The following TBX2 variants were observed in gnomAD, a reference collection of about 807,000 sequenced individuals.
TBX2 encodes the protein T-box transcription factor 2.
TBX2 carries 19 observed loss-of-function variants against 48.4 expected under a neutral mutation model. The observed-to-expected ratio is 0.39, with a 90% CI of 0.27 to 0.58. The LOEUF (loss-of-function observed/expected upper bound fraction) is 0.58, where lower values mean the gene tolerates loss of function less well. Ranked by LOEUF, TBX2 falls within the 20% of genes least tolerant of loss-of-function variation. TBX2 has a pLI of 0.54. For missense variants in TBX2, 994 were observed against 1,006.5 expected, an observed-to-expected ratio of 0.99 and a Z score of 0.17; for synonymous variants, 522 against 459.7, an observed-to-expected ratio of 1.14 and a Z score of -1.73.
Position 61,408,630 on chromosome 17 carries a change from C to A in TBX2, c.*124C>A. The A allele has an allele frequency of 2.1e-6, 2 of 948,130 alleles. No homozygotes were observed. The highest frequency in any genetic ancestry group is 2.9e-5 in the South Asian group (1 of 34,818). 58.7% of individuals were successfully genotyped at this position (948,130 alleles called of 1,614,324 possible). A position where few individuals can be genotyped will look rare whatever the true frequency, so the allele number is the denominator to read the frequency against. On this transcript the variant is annotated 3_prime_UTR_variant, in exon 7 of 7. Coordinates refer to ENST00000240328, the MANE Select transcript of TBX2 (RefSeq NM_005994.4). ...AAGGAGAAAAGTGGGCTGCAGCAGCCGGAATAGAGCCTCGTCTGGCAAGTC... is the reference window on the plus strand; with the variant it reads ...AAGGAGAAAAGTGGGCTGCAGCAGCAGGAATAGAGCCTCGTCTGGCAAGTC...
rs778481852 is a variant in TBX2, at chr17:61,400,329, G to T, written c.153G>T (p.Pro51=). The change falls in exon 1 of 7, where the codon CCG becomes CCT. Residue 51 remains proline (P), a synonymous_variant. Transcript: ENST00000240328. This position sits in a 1 kb window ranked among gnomAD's most constrained non-coding sequence, Gnocchi z 9.2. The stretch of plus-strand genomic sequence containing the variant: ...TGCCGCCCGGCGCGCTGGCCAAGCC[G>T]CTGCCCGACCCGGGCCTGGCGGGGG... The part of the protein sequence containing the change: ...LALPPGALAK[P]LPDPGLAGAA... 4 of 1,019,328 alleles carry T rather than the reference G, an allele frequency of 3.9e-6. No homozygotes were observed. In the East Asian group the frequency reaches 3.1e-4, roughly 80 times the overall value. The allele number at this position is 1,019,328 out of a possible 1,614,324, so 63.1% of individuals were successfully genotyped here. A position where few individuals can be genotyped will look rare whatever the true frequency, so the allele number is the denominator to read the frequency against.
rs965391707 is a variant in TBX2, at chr17:61,399,857, T to A, written c.-320T>A. ...GGGCCTGGCTCGTTAGCGCAGGGGATCCGAGCTGGGCAGGACATGTGAGAT... is the reference window on the plus strand; with the variant it reads ...GGGCCTGGCTCGTTAGCGCAGGGGAACCGAGCTGGGCAGGACATGTGAGAT... On this transcript the variant is annotated 5_prime_UTR_variant, in exon 1 of 7. Transcript: ENST00000240328. The surrounding 1 kb of genome is among the most constrained non-coding windows in gnomAD (Gnocchi z 4.7). 3 of 151,732 alleles carry A rather than the reference T, an allele frequency of 2.0e-5. No individual in the cohort carries two copies. Among genetic ancestry groups the A allele is most frequent in the African/African-American group, 7.3e-5 (3 of 41,254 alleles). The allele number at this position is 151,732 out of a possible 1,614,324, so 9.4% of individuals were successfully genotyped here. A position where few individuals can be genotyped will look rare whatever the true frequency, so the allele number is the denominator to read the frequency against.
At position 61,401,661 on chromosome 17, in the gene TBX2, C is replaced by T. The variant is rs1241844802; in HGVS notation, c.396-23C>T. 3.1e-6 allele frequency: 5 copies of T among 1,602,070 alleles called. No individual in the cohort carries two copies. The Admixed American group carries it at 8.4e-5, about 27-fold the overall frequency. On this transcript the variant is annotated intron_variant, in intron 1 of 6. Transcript: ENST00000240328. Reference sequence around the variant, plus strand: ...CTAGAACAGCCGGTTCCAATGGGATCTCCTCCCTTCCCTCCCTCCCAGGCG... The same window carrying T: ...CTAGAACAGCCGGTTCCAATGGGATTTCCTCCCTTCCCTCCCTCCCAGGCG...
At chr17:61,405,134 G>C in intron 5 of TBX2, 68 bp from the exon 6 acceptor site, 1 of 1,483,270 alleles carries the variant, frequency 6.7e-7, no homozygotes, top group South Asian at 1.3e-5. Flanking sequence ...AGCCCTTCCC[G>C]AGTGTCCCTG....
chr17:61,404,287 C>A, intron 3 of TBX2, 134 bp from the exon 4 acceptor site: 2 of 1,140,708 alleles, frequency 1.8e-6, no homozygotes, highest in Non-Finnish European at 2.4e-6. Context: ...GGCGTCCCAT[C>A]CCAGGCGGGT....
In TBX2 at chr17:61,405,550, G is replaced by A. The variant is rs866915098; in HGVS notation, c.1400G>A (p.Gly467Asp). The change falls in exon 6 of 7, where the codon GGC becomes GAC. Residue 467 changes from glycine (G) to aspartate (D), a missense_variant. Transcript: ENST00000240328. Reference sequence around the variant, plus strand: ...CCCCTGGGCGCCGGACACCTGCCCGGCCTGGCCTTTTCCAGCCACTTGCAC... The same window carrying A: ...CCCCTGGGCGCCGGACACCTGCCCGACCTGGCCTTTTCCAGCCACTTGCAC... Reference protein sequence around the residue: ...ASPLGAGHLPGLAFSSHLHGQ... With the variant: ...ASPLGAGHLPDLAFSSHLHGQ... The A allele has an allele frequency of 3.1e-6, 5 of 1,594,754 alleles. No individual in the cohort carries two copies. Among genetic ancestry groups the A allele is most frequent in the Non-Finnish European group, 3.4e-6 (4 of 1,174,372 alleles).
At chr17:61,407,240 G>A (rs996680052) in intron 6 of TBX2, 6 of 152,190 alleles carry the variant, frequency 3.9e-5, no homozygotes, top group Admixed American at 3.9e-4. Flanking sequence ...GCCTGATGAA[G>A]CTGCCTCTTT....
Position 61,406,048 on chromosome 17 carries a change from C to T in TBX2, c.1686+212C>T, listed in dbSNP as rs937366163. 1.6e-5 allele frequency: 7 copies of T among 439,308 alleles called. No individual in the cohort carries two copies. The highest frequency in any genetic ancestry group is 4.1e-5 in the African/African-American group (2 of 49,108). 27.2% of individuals were successfully genotyped at this position (439,308 alleles called of 1,614,324 possible). ...TAAGTCCAGGGGCTGGCCAGGGCGC[C>T]GCTTCTGACTCCCGTGTGACCTTTG... is the stretch of plus-strand genomic sequence containing the variant. On this transcript the variant is annotated intron_variant, in intron 6 of 6. Transcript: ENST00000240328. The surrounding 1 kb of genome is among the most constrained non-coding windows in gnomAD (Gnocchi z 5.7).
chr17:61,405,468 G>A lies in TBX2; in HGVS notation c.1318G>A (p.Ala440Thr). Residue 440 changes from alanine (A) to threonine (T), a missense_variant, in exon 6 of 7, where the codon GCC becomes ACC. By Grantham distance (58) the Ala-to-Thr change is moderately conservative (BLOSUM62 0). Transcript: ENST00000240328. The part of the protein sequence containing the change: ...RRKDEGRKEA[A>T]EGKEQGLAPL... The stretch of plus-strand genomic sequence containing the variant: ...GAAGGACGAGGGGCGCAAGGAGGCG[G>A]CCGAGGGCAAGGAGCAGGGCCTGGC... 1.3e-6 allele frequency: 2 copies of A among 1,577,394 alleles called. No homozygotes were observed. Among genetic ancestry groups the A allele is most frequent in the Admixed American group, 1.8e-5 (1 of 54,952 alleles).
intron 5 of TBX2, chr17:61,404,997 A>G (rs931251856): frequency 7.8e-7 from 1 of 1,287,042 alleles, no homozygotes; most frequent in Admixed American, 2.0e-5. Flanking sequence ...GTGTAATTCT[A>G]TAGCTGTAGG....
intron 6 of TBX2, 26 bp downstream of exon 6, chr17:61,405,862 G>C (rs771302096): frequency 3.1e-6 from 4 of 1,287,206 alleles, no homozygotes; most frequent in Middle Eastern, 5.7e-4. Flanking sequence ...CCGCGGCAGC[G>C]CCAGCGAGGG....
chr17:61,409,004 C>G lies in TBX2; in HGVS notation c.*498C>G, dbSNP rs916795639. 1.9e-5 allele frequency: 3 copies of G among 154,070 alleles called. No homozygotes were observed. The Admixed American group carries it at 2.0e-4, about 10-fold the overall frequency. 9.5% of individuals were successfully genotyped at this position (154,070 alleles called of 1,614,324 possible). A position where few individuals can be genotyped will look rare whatever the true frequency, so the allele number is the denominator to read the frequency against. ...AACCTGTTAGTCTCCCCACCTCTTC[C>G]CTGAAGAGACAGGCACCCCTCCCAG... On this transcript the variant is annotated 3_prime_UTR_variant, in exon 7 of 7. Transcript: ENST00000240328.
intron 6 of TBX2, 161 bp downstream of exon 6, chr17:61,405,997 G>C (rs1363540716): frequency 4.5e-6 from 3 of 673,598 alleles, no homozygotes; most frequent in Admixed American, 4.4e-5. Flanking sequence ...AGGACACCTG[G>C]GTTCTGAGAG....
chr17:61,402,359 C>T (rs571397737), intron 2 of TBX2, among the ~76,000 whole-genome samples: 2 of 152,194 alleles, frequency 1.3e-5, no homozygotes, highest in African/African-American at 4.8e-5. Flanking sequence ...TGCCAAGACC[C>T]GCGTCCCTGG....
At chr17:61,402,960 GAGAGAGAGAGA>G (rs1274134786) in intron 2 of TBX2, 90 bp from the exon 3 acceptor site, 1,880 of 181,166 alleles carry the variant, frequency 0.01, 229 homozygotes, top group African/African-American at 0.081. Flanking sequence ...GAGAGAGAGA[GAGAGAGAGAGA>G]AAGTGGAGAG....
chr17:61,407,839 C>T, intron 6 of TBX2: 1 of 575,648 alleles, frequency 1.7e-6, no homozygotes. Flanking sequence ...CAGGCCTTTG[C>T]ATGGTAGCCT....
rs1187154604 is a variant in TBX2 at position 61,408,544 on chromosome 17, C to T, written c.*38C>T. ...CTGCTCCCCTGCCACGCAGGCCACC[C>T]GGGCTGCCTGCCCCTGCTGCTTGGG... On this transcript the variant is annotated 3_prime_UTR_variant, in exon 7 of 7. Transcript: ENST00000240328. 6 of 1,420,834 alleles carry T rather than the reference C, an allele frequency of 4.2e-6. No homozygotes were observed. Among genetic ancestry groups the T allele is most frequent in the Middle Eastern group, 2.6e-4 (1 of 3,882 alleles). 88.0% of individuals were successfully genotyped at this position (1,420,834 alleles called of 1,614,324 possible).
rs918757870 is a variant in TBX2, at chr17:61,409,318, C to CCGGCCCCTCGACCCCT, written c.*823_*838dup. 14 of 152,546 alleles carry CCGGCCCCTCGACCCCT rather than the reference C, an allele frequency of 9.2e-5. No individual in the cohort carries two copies. The highest frequency in any genetic ancestry group is 3.4e-4 in the African/African-American group (14 of 41,582). 9.4% of individuals were successfully genotyped at this position (152,546 alleles called of 1,614,324 possible). ...GAGCCCTGGAGGAGCCACCACCCCGCCGGCCCCTCGACCCCTCGGCCCCTC... is the reference window on the plus strand; with the variant it reads ...GAGCCCTGGAGGAGCCACCACCCCGCCGGCCCCTCGACCCCTCGGCCCCTCGACCCCTCGGCCCCTC... On this transcript the variant is annotated 3_prime_UTR_variant, in exon 7 of 7. Coordinates refer to ENST00000240328, the MANE Select transcript of TBX2 (RefSeq NM_005994.4).
In TBX2 at chr17:61,401,969, G is replaced by T; in HGVS notation, c.663+18G>T. 2 of 1,577,494 alleles carry T rather than the reference G, an allele frequency of 1.3e-6. No homozygotes were observed. Among genetic ancestry groups the T allele is most frequent in the Non-Finnish European group, 8.6e-7 (1 of 1,160,650 alleles). ...ACGGCTTCGTGAGTGTTGGGGCAGGGTGGGGACGGTGCAGGAGCTTGTTGA... is the reference window on the plus strand; with the variant it reads ...ACGGCTTCGTGAGTGTTGGGGCAGGTTGGGGACGGTGCAGGAGCTTGTTGA... On this transcript the variant is annotated intron_variant, in intron 2 of 6. Coordinates refer to ENST00000240328, the MANE Select transcript of TBX2 (RefSeq NM_005994.4).
Sources: gnomAD v4.1 joint callset for allele counts (sites outside exome capture counted in the v4.1 genomes callset) on GRCh38, gnomAD v4.1.1 for gene constraint, Gnocchi (gnomAD v3.1) non-coding constraint, MANE v1.5 for transcripts, NCBI Gene and HGNC (gene_info 2026-07-23, HGNC 2026-07-21) for gene names.